LYST: variants seen among roughly 807,000 people sequenced by gnomAD.
LYST encodes lysosomal-trafficking regulator.
In LYST, 192 loss-of-function variants were observed where a neutral mutation model predicts 413.6. The observed-to-expected ratio is 0.46, with a 90% CI of 0.41 to 0.52. LYST has a LOEUF of 0.52. Ranked by LOEUF, LYST falls within the 20% of genes least tolerant of loss-of-function variation. The pLI, the probability that LYST is intolerant of heterozygous loss-of-function variation, is 0.00. For missense variants in LYST, 3,815 were observed against 4,499.9 expected, an observed-to-expected ratio of 0.85 and a Z score of 4.35; for synonymous variants, 1,525 against 1,567.3, an observed-to-expected ratio of 0.97 and a Z score of 0.64.
intron 50 of LYST, among the ~76,000 whole-genome samples, chr1:235,666,144 C>A (rs2103011798): frequency 6.6e-6 from 1 of 151,888 alleles, no homozygotes; most frequent in African/African-American, 2.4e-5. Context: ...CAGTGTGTTG[C>A]AGCATTATTC....
At chr1:235,798,653 A>T (rs1671860005) in intron 10 of LYST, among the ~76,000 whole-genome samples, 3 of 150,332 alleles carry the variant, frequency 2.0e-5, no homozygotes, top group South Asian at 4.2e-4. Flanking sequence ...TAAAAAATTT[A>T]AAAAATGATT....
At chr1:235,765,251 G>A (rs902319332) in intron 21 of LYST, among the ~76,000 whole-genome samples, 1 of 152,096 alleles carries the variant, frequency 6.6e-6, no homozygotes, top group Non-Finnish European at 1.5e-5. Flanking sequence ...CACCTCCAGA[G>A]TCATTCCATC....
intron 50 of LYST, among the ~76,000 whole-genome samples, chr1:235,675,016 G>A (rs553534007): frequency 4.6e-5 from 7 of 151,906 alleles, no homozygotes; most frequent in Admixed American, 3.9e-4. Flanking sequence ...ATTCTCCCCC[G>A]CCCTACTCAA....
chr1:235,845,644 G>C lies in LYST; in HGVS notation c.-97-11977C>G, dbSNP rs887258987. ...CTGGAAACAGACTCCCGGCAGTTAG[G>C]GGGGACACGGTGGGAGTGAGAGTGG... On this transcript the variant is annotated intron_variant, in intron 1 of 52. Transcript: ENST00000389793. Among the ~76,000 whole-genome samples, 138 of 152,000 alleles carry C rather than the reference G, an allele frequency of 9.1e-4. 2 individuals carry two copies. Among genetic ancestry groups the C allele is most frequent in the African/African-American group, 3.0e-3 (126 of 41,416 alleles).
chr1:235,762,611 A>C, intron 22 of LYST, 109 bp downstream of exon 22: 1 of 1,118,308 alleles, frequency 8.9e-7, no homozygotes, highest in Non-Finnish European at 1.3e-6. Flanking sequence ...CTCTTGTTAG[A>C]TTGAATGAGG....
intron 45 of LYST, among the ~76,000 whole-genome samples, chr1:235,697,914 T>G (rs2103087647): frequency 6.6e-6 from 1 of 152,190 alleles, no homozygotes; most frequent in African/African-American, 2.4e-5. Context: ...AACAATAGGA[T>G]TTGGGGGAAG....
intron 1 of LYST, among the ~76,000 whole-genome samples, chr1:235,872,603 A>C (rs1485865606): frequency 6.6e-6 from 1 of 152,188 alleles, no homozygotes; most frequent in Non-Finnish European, 1.5e-5. Flanking sequence ...GGGAGGTCAG[A>C]GAATTTTTTT....
chr1:235,878,518 C>T (rs1681237081), intron 1 of LYST, among the ~76,000 whole-genome samples: 1 of 152,146 alleles, frequency 6.6e-6, no homozygotes, highest in Non-Finnish European at 1.5e-5. Context: ...CATTGTGGTT[C>T]CTACTGCCCA....
At chr1:235,775,483 G>A (rs919172639) in intron 17 of LYST, among the ~76,000 whole-genome samples, 3 of 152,148 alleles carry the variant, frequency 2.0e-5, no homozygotes, top group African/African-American at 7.2e-5. Flanking sequence ...GAGATAAGAT[G>A]TATCTATAAA....
intron 1 of LYST, among the ~76,000 whole-genome samples, chr1:235,861,740 C>T (rs1034161650): frequency 6.6e-6 from 1 of 152,178 alleles, no homozygotes; most frequent in Non-Finnish European, 1.5e-5. Flanking sequence ...GATCCTCCCA[C>T]CTCAGTCTTC....
Position 235,878,132 on chromosome 1 carries a change from C to T in LYST, n.454+5055G>A, listed in dbSNP as rs1681220227. On this transcript the variant is annotated intron_variant and non_coding_transcript_variant, in intron 1 of 11. Coordinates refer to the LYST transcript ENST00000465349. ...GGATCTTTATAGTTTTAAAAATCAT[C>T]CTGTCACTTCACACGTGTTGGCAAG... 3.3e-5 allele frequency among the ~76,000 whole-genome samples: 5 copies of T among 152,202 alleles called. No homozygotes were observed. The South Asian group carries it at 8.3e-4, about 25-fold the overall frequency.
intron 31 of LYST, chr1:235,737,919 C>CGGAGCG: frequency 4.1e-5 from 48 of 1,160,706 alleles, no homozygotes; most frequent in South Asian, 3.1e-4. Context: ...GCCGACGAGT[C>CGGAGCG]TGGATCTCAC....
chr1:235,756,710 C>G (rs1667083681), intron 24 of LYST, among the ~76,000 whole-genome samples: 1 of 151,994 alleles, frequency 6.6e-6, no homozygotes, highest in Admixed American at 6.6e-5. Context: ...CCTCATGGAG[C>G]TTATATTTGT....
intron 5 of LYST, 47 bp downstream of exon 5, chr1:235,808,408 C>T (rs777092545): frequency 1.9e-6 from 3 of 1,577,010 alleles, no homozygotes; most frequent in Non-Finnish European, 2.6e-6. Flanking sequence ...AAGATCTAGA[C>T]ATGCTCAACA....
chr1:235,738,075 G>T, intron 31 of LYST: 1 of 1,601,188 alleles, frequency 6.2e-7, no homozygotes. Flanking sequence ...GATTACAGTT[G>T]TTGGGGTTGG....
chr1:235,876,026 C>A (rs577002874), intron 1 of LYST, among the ~76,000 whole-genome samples: 1 of 151,946 alleles, frequency 6.6e-6, no homozygotes, highest in African/African-American at 2.4e-5. Context: ...AGTTTGAGAC[C>A]AGCCTGGCCA....
At chr1:235,797,123 C>G (rs1336982251) in intron 10 of LYST, among the ~76,000 whole-genome samples, 1 of 151,988 alleles carries the variant, frequency 6.6e-6, no homozygotes, top group African/African-American at 2.4e-5. Flanking sequence ...ATAAATGACT[C>G]GAGAAATGAA....
At chr1:235,770,052 A>AC in intron 20 of LYST, 108 bp downstream of exon 20, 1 of 1,044,122 alleles carries the variant, frequency 9.6e-7, no homozygotes. Context: ...AAGATGGAAA[A>AC]AAAAAAGAAA....
In LYST at chr1:235,833,668, C is replaced by T; in HGVS notation, c.-97-1G>A. ...AAATATTCTTAGAACAAAGCTTCAC[C>T]TACAAAAAAAAAGACATATTAATCA... On this transcript the variant is annotated splice_acceptor_variant, in intron 1 of 52. Transcript: ENST00000389793. LOFTEE classifies it low-confidence loss of function (5UTR_SPLICE). 1 of 825,296 alleles carries T rather than the reference C, an allele frequency of 1.2e-6. No individual in the cohort carries two copies. Among genetic ancestry groups the T allele is most frequent in the South Asian group, 5.6e-5 (1 of 17,892 alleles). The allele number at this position is 825,296 out of a possible 1,614,324, so 51.1% of individuals were successfully genotyped here. A position where few individuals can be genotyped will look rare whatever the true frequency, so the allele number is the denominator to read the frequency against.
Sources: gnomAD v4.1 joint callset for allele counts (sites outside exome capture counted in the v4.1 genomes callset) on GRCh38, gnomAD v4.1.1 for gene constraint, MANE v1.5 for transcripts, NCBI Gene and HGNC (gene_info 2026-07-23, HGNC 2026-07-21) for gene names.